Variants in OPHN1 observed in about 807,000 individuals in gnomAD.
OPHN1 encodes oligophrenin-1.
OPHN1 carries 11 observed loss-of-function variants against 60.7 expected under a neutral mutation model. That is an observed-to-expected ratio of 0.18 (90% CI 0.11 to 0.30). The LOEUF is 0.30. OPHN1 is among the 10% of genes least tolerant of loss of function. OPHN1 has a pLI of 1.00. For synonymous variants in OPHN1, 226 were observed against 222.6 expected (o/e 1.02, Z -0.14); for missense variants, 449 against 611.0 (o/e 0.73, Z 2.80).
At chrX:68,396,120 C>T (rs1334787164) in intron 2 of OPHN1, among the ~76,000 whole-genome samples, 1 of 108,998 alleles carries the variant, frequency 9.2e-6, no homozygotes. Flanking sequence ...AGCAGGACTT[C>T]CTTGTATAGC....
At chrX:68,266,545 G>T (rs1317765359) in intron 5 of OPHN1, among the ~76,000 whole-genome samples, 1 of 111,208 alleles carries the variant, frequency 9.0e-6, no homozygotes, top group Non-Finnish European at 1.9e-5. Flanking sequence ...ACATGGAAAG[G>T]AACAACCGGT....
At chrX:68,119,425 TA>T (rs773284396) in intron 15 of OPHN1, 93 bp from the exon 16 acceptor site, 2 of 627,440 alleles carry the variant, frequency 3.2e-6, no homozygotes, top group African/African-American at 4.4e-5. Context: ...TATATTACCC[TA>T]AGTAGTTTTT....
intron 20 of OPHN1, chrX:68,070,830 G>T (rs1602136417): frequency 1.7e-6 from 2 of 1,171,648 alleles, no homozygotes; most frequent in Non-Finnish European, 1.2e-6. Flanking sequence ...CAGGACCACA[G>T]TCCAAGCCCA....
At chrX:68,061,140 T>G (rs2076891361) in intron 21 of OPHN1, among the ~76,000 whole-genome samples, 1 of 112,038 alleles carries the variant, frequency 8.9e-6, no homozygotes, top group Non-Finnish European at 1.9e-5. Flanking sequence ...AAAAGCTGCA[T>G]CGTGCCAGCC....
In OPHN1 at chrX:68,234,601, A is replaced by T. The variant is rs1435662811; in HGVS notation, c.385-13T>A. 3 of 1,071,769 alleles carry T rather than the reference A, an allele frequency of 2.8e-6. No individual in the cohort carries two copies. Among genetic ancestry groups the T allele is most frequent in the Non-Finnish European group, 3.9e-6 (3 of 769,153 alleles). 88.3% of individuals were successfully genotyped at this position (1,071,769 alleles called of 1,213,427 possible). The stretch of plus-strand genomic sequence containing the variant: ...TCTTTTTCCGCTCCTAAAGGTGGGA[A>T]AGAAGGGCAAAGATTAAATGTCTGT... On this transcript the variant is annotated splice_polypyrimidine_tract_variant and intron_variant, in intron 5 of 24. Coordinates refer to ENST00000355520, the MANE Select transcript of OPHN1 (RefSeq NM_002547.3).
intron 18 of OPHN1, among the ~76,000 whole-genome samples, chrX:68,103,259 A>T (rs778431876): frequency 8.9e-6 from 1 of 112,528 alleles, no homozygotes; most frequent in East Asian, 2.8e-4. Flanking sequence ...TCACATAAAC[A>T]GAACCAATGA....
At chrX:68,418,818 C>A (rs929557273) in intron 2 of OPHN1, among the ~76,000 whole-genome samples, 8 of 111,379 alleles carry the variant, frequency 7.2e-5, no homozygotes, top group Non-Finnish European at 1.3e-4. Flanking sequence ...AAGATCAAAT[C>A]GAGATCATAG....
Position 68,194,484 on chromosome X carries a change from A to G in OPHN1, c.1119T>C (p.Pro373=). 1 of 1,207,832 alleles carries G rather than the reference A, an allele frequency of 8.3e-7. No homozygotes were observed. Residue 373 remains proline (P), a synonymous_variant, in exon 13 of 25, where the codon CCT becomes CCC. Transcript: ENST00000355520. ...MDGKEPIYHS[P]ITKQQEMELN... ...ACTCACTTTCTTGCTGTTTTGTTAT[A>G]GGGCTGTGGTAGATCTACAAAAGAA...
At chrX:68,378,428 T>G (rs1026580169) in intron 2 of OPHN1, among the ~76,000 whole-genome samples, 8 of 111,770 alleles carry the variant, frequency 7.2e-5, no homozygotes, top group Non-Finnish European at 1.1e-4. Flanking sequence ...AGAAGCTCTT[T>G]AGTTTAATTA....
chrX:68,135,496 A>G (rs2077215676), intron 15 of OPHN1, among the ~76,000 whole-genome samples: 1 of 112,092 alleles, frequency 8.9e-6, no homozygotes, highest in Admixed American at 9.5e-5. Flanking sequence ...GAATGAAATG[A>G]GAAACCACTG....
At chrX:68,319,952 C>A (rs775801006) in intron 2 of OPHN1, among the ~76,000 whole-genome samples, 3 of 109,844 alleles carry the variant, frequency 2.7e-5, no homozygotes, top group Non-Finnish European at 5.7e-5. Flanking sequence ...AAACAGAAAA[C>A]GGGCAACAGA....
chrX:68,265,474 G>C (rs754542176), intron 5 of OPHN1, among the ~76,000 whole-genome samples: 3 of 112,194 alleles, frequency 2.7e-5, no homozygotes, highest in African/African-American at 9.7e-5. Flanking sequence ...GGTCCTGACT[G>C]TTACAAGGAA....
chrX:68,291,971 C>G (rs188699774), intron 3 of OPHN1, among the ~76,000 whole-genome samples: 1 of 111,842 alleles, frequency 8.9e-6, no homozygotes, highest in African/African-American at 3.3e-5. Flanking sequence ...GTTCAGACTT[C>G]CCTAGCTTAA....
chrX:68,092,496 C>T (rs1193070952), intron 19 of OPHN1, among the ~76,000 whole-genome samples: 2 of 111,831 alleles, frequency 1.8e-5, no homozygotes, highest in Admixed American at 9.5e-5. Context: ...AGAAAAGATC[C>T]TTGGTTACCA....
chrX:68,073,074 T>G, intron 20 of OPHN1, 78 bp downstream of exon 20: 1 of 1,076,968 alleles, frequency 9.3e-7, no homozygotes, highest in Non-Finnish European at 1.3e-6. Context: ...AAAATGGTCA[T>G]GCCACCGCTT....
chrX:68,063,975 A>C lies in OPHN1; in HGVS notation c.2037T>G (p.Asp679Glu), dbSNP rs1300359418. Residue 679 changes from aspartate to glutamate, a missense_variant, in exon 21 of 25, where the codon GAT becomes GAG. This residue lies in a region of OPHN1 where 184 missense variants were observed against 160.5 expected (regional missense o/e 1.15). Coordinates refer to ENST00000355520, the MANE Select transcript of OPHN1 (RefSeq NM_002547.3). The part of the protein sequence containing the change: ...DVGKLVSRLQ[D>E]GGTKITPKAT... ...CCTTTGGGGTGATCTTGGTCCCTCC[A>C]TCCTGCAGCCTAGACACCAACTTCC... The C allele has an allele frequency of 2.5e-6, 3 of 1,210,073 alleles. No individual in the cohort carries two copies. Among genetic ancestry groups the C allele is most frequent in the Non-Finnish European group, 2.2e-6 (2 of 894,930 alleles).
At chrX:68,074,095 G>A (rs1358689590) in intron 19 of OPHN1, among the ~76,000 whole-genome samples, 1 of 111,785 alleles carries the variant, frequency 8.9e-6, no homozygotes, top group Non-Finnish European at 1.9e-5. Flanking sequence ...CATACACTAT[G>A]GGATGATACA....
intron 19 of OPHN1, among the ~76,000 whole-genome samples, chrX:68,088,481 G>A (rs1359657605): frequency 9.0e-6 from 1 of 111,557 alleles, no homozygotes; most frequent in Non-Finnish European, 1.9e-5. Context: ...TTTAGGTTGG[G>A]AAATTAAAGA....
chrX:68,114,017 C>A (rs1256308706), intron 16 of OPHN1, among the ~76,000 whole-genome samples: 2 of 108,547 alleles, frequency 1.8e-5, no homozygotes, highest in Non-Finnish European at 3.8e-5. Flanking sequence ...TTTACTTGTA[C>A]CTGGCATTGT....
Sources: allele counts gnomAD v4.1 joint callset (sites outside exome capture counted in the v4.1 genomes callset), GRCh38; gene constraint gnomAD v4.1.1; regional missense constraint gnomAD v4.1.1; transcripts MANE v1.5; gene names NCBI Gene and HGNC (gene_info 2026-07-23, HGNC 2026-07-21).